The following COL8A2 variants were observed in gnomAD, a reference collection of about 807,000 sequenced individuals.
COL8A2 encodes collagen alpha-2(VIII) chain.
Under a neutral mutation model 24.0 loss-of-function variants are expected in COL8A2, and 16 were observed. The ratio of observed to expected loss-of-function variants is 0.67; its 90% confidence interval spans 0.45 to 1.01. The LOEUF (loss-of-function observed/expected upper bound fraction) is 1.01. COL8A2 is among the 50% of genes least tolerant of loss of function. The probability of loss-of-function intolerance (pLI) is 0.00; values close to 1 mark genes in which losing one functional copy is unlikely to be tolerated. For synonymous variants in COL8A2, 466 were observed against 424.5 expected (o/e 1.10, Z -1.20); for missense variants, 818 against 942.4 (o/e 0.87, Z 1.73).
chr1:36,104,005 C>G (rs1292001545), intron 2 of COL8A2, among the ~76,000 whole-genome samples: 36 of 151,794 alleles, frequency 2.4e-4, no homozygotes, highest in Admixed American at 2.4e-3. Context: ...ACCAGCCTGG[C>G]CAACATGGTG....
At chr1:36,109,309 A>G (rs919824788) in intron 2 of COL8A2, among the ~76,000 whole-genome samples, 1 of 151,830 alleles carries the variant, frequency 6.6e-6, no homozygotes, top group African/African-American at 2.4e-5. Flanking sequence ...CTGGGTCTCT[A>G]CTCCTGACTC....
chr1:36,104,914 C>G, intron 2 of COL8A2, among the ~76,000 whole-genome samples: 1 of 152,236 alleles, frequency 6.6e-6, no homozygotes. Context: ...TCCCATTATT[C>G]GAAGGAGGTT....
Position 36,099,195 on chromosome 1 carries a change from G to T in COL8A2, c.486C>A (p.Gly162=), listed in dbSNP as rs753145216. 6.6e-7 allele frequency: 1 copy of T among 1,519,152 alleles called. No homozygotes were observed. The highest frequency in any genetic ancestry group is 8.8e-7 in the Non-Finnish European group (1 of 1,131,824). The allele number at this position is 1,519,152 out of a possible 1,614,324, so 94.1% of individuals were successfully genotyped here. The part of the protein sequence containing the change: ...QGLRGPPGPP[G]LPGPSGITIP... ...TAGTAATGCCTGAGGGGCCCGGGAG[G>T]CCAGGGGGTCCTGGGGGTCCCCGGA... The change falls in exon 4 of 4, where the codon GGC becomes GGA. Residue 162 remains glycine, a synonymous_variant. Transcript: ENST00000397799.
Position 36,098,522 on chromosome 1 carries a change from G to T in COL8A2, c.1159C>A (p.Pro387Thr). ...PKGEAGPGGP[P>T]GVPGIRGDQG... ...TCACCTCGAATGCCAGGCACTCCTG[G>T]GGGTCCTCCAGGCCCTGCCTCACCC... is the stretch of plus-strand genomic sequence containing the variant. Residue 387 changes from proline to threonine, a missense_variant, in exon 4 of 4, where the codon CCA becomes ACA. Physicochemically the swap from Pro to Thr is conservative, Grantham distance 38. This residue lies in a region of COL8A2 where 573 missense variants were observed against 616.8 expected (regional missense o/e 0.93). Transcript: ENST00000397799. 1 of 1,594,252 alleles carries T rather than the reference G, an allele frequency of 6.3e-7. No individual in the cohort carries two copies. Among genetic ancestry groups the T allele is most frequent in the East Asian group, 2.3e-5 (1 of 43,532 alleles).
chr1:36,100,455 TC>T (rs1172876834), intron 2 of COL8A2, among the ~76,000 whole-genome samples, 197 bp from the exon 3 acceptor site: 2 of 152,070 alleles, frequency 1.3e-5, no homozygotes, highest in Non-Finnish European at 2.9e-5. Flanking sequence ...CTCCTAAACT[TC>T]TTCAGACCCT....
At chr1:36,118,816 A>G (rs1171504853) in intron 1 of COL8A2, among the ~76,000 whole-genome samples, 1 of 152,212 alleles carries the variant, frequency 6.6e-6, no homozygotes, top group African/African-American at 2.4e-5. Flanking sequence ...CTCCTGCCAG[A>G]GATGGGGCTC....
At position 36,100,078 on chromosome 1, in the gene COL8A2, G is replaced by A. The variant is rs144972483; in HGVS notation, c.165C>T (p.Pro55=). ...GGTACTGGCCTTTGCCCTCACGGAA[G>A]GGCGGTCCCACAGGTCCTTTCTGCA... is the stretch of plus-strand genomic sequence containing the variant. ...QPMQKGPVGP[P]FREGKGQYLE... is the part of the protein sequence containing the mutation. Residue 55 remains proline (P), a synonymous_variant, in exon 3 of 4, where the codon CCC becomes CCT. Coordinates refer to ENST00000397799, the MANE Select transcript of COL8A2 (RefSeq NM_005202.4). 11 of 1,611,798 alleles carry A rather than the reference G, an allele frequency of 6.8e-6. No individual in the cohort carries two copies. The highest frequency in any genetic ancestry group is 1.7e-5 in the Admixed American group (1 of 59,946).
chr1:36,099,180 T>C lies in COL8A2; in HGVS notation c.501A>G (p.Ser167=). ...PPGPPGLPGP[S]GITIPGKPGA... ...CTGGTTTTCCAGGGATAGTAATGCC[T>C]GAGGGGCCCGGGAGGCCAGGGGGTC... Residue 167 remains serine (S), a synonymous_variant, in exon 4 of 4, where the codon TCA becomes TCG. Coordinates refer to ENST00000397799, the MANE Select transcript of COL8A2 (RefSeq NM_005202.4). 1 of 1,506,358 alleles carries C rather than the reference T, an allele frequency of 6.6e-7. No homozygotes were observed. The allele number at this position is 1,506,358 out of a possible 1,614,324, so 93.3% of individuals were successfully genotyped here. A position where few individuals can be genotyped will look rare whatever the true frequency, so the allele number is the denominator to read the frequency against.
rs768504825 is a variant in COL8A2 at position 36,098,046 on chromosome 1, G to A, written c.1635C>T (p.His545=). Residue 545 remains histidine (H), a synonymous_variant, in exon 4 of 4, where the codon CAC becomes CAT. Coordinates refer to ENST00000397799, the MANE Select transcript of COL8A2 (RefSeq NM_005202.4). ...AFDETGIAGL[H]LPNGGVEGAV... is the part of the protein sequence containing the mutation. ...CACCCTCCACACCGCCGTTGGGCAG[G>A]TGCAAGCCTGCGATGCCAGTCTCAT... The A allele has an allele frequency of 1.4e-5, 22 of 1,588,072 alleles. No individual in the cohort carries two copies. Among genetic ancestry groups the A allele is most frequent in the Middle Eastern group, 1.7e-4 (1 of 5,792 alleles).
rs1380934217 is a variant in COL8A2, at chr1:36,120,133, C to G, written c.-61-4381G>C. ...TCTCATGCCTGCTATTCCTCTTTCC[C>G]CCTCCACAAAAAACCCCTTGTGCTA... On this transcript the variant is annotated intron_variant, in intron 1 of 3. Transcript: ENST00000397799. Among the ~76,000 whole-genome samples the G allele has an allele frequency of 6.6e-5, 10 of 152,150 alleles. No homozygotes were observed. In the East Asian group the frequency reaches 1.9e-3, roughly 29 times the overall value.
intron 1 of COL8A2, among the ~76,000 whole-genome samples, chr1:36,120,917 T>C (rs1450648544): frequency 2.0e-5 from 3 of 150,358 alleles, no homozygotes; most frequent in Admixed American, 6.6e-5. Context: ...GGTGAAACCT[T>C]GTCTCTACTA....
intron 2 of COL8A2, among the ~76,000 whole-genome samples, chr1:36,110,782 G>A (rs924171435): frequency 1.1e-4 from 17 of 152,292 alleles, no homozygotes; most frequent in South Asian, 8.3e-4. Flanking sequence ...ATGAGCAACC[G>A]TGCCTGGCCT....
Position 36,097,576 on chromosome 1 carries a change from G to T in COL8A2, c.2105C>A (p.Pro702His). 1.2e-6 allele frequency: 2 copies of T among 1,607,002 alleles called. No individual in the cohort carries two copies. The highest frequency in any genetic ancestry group is 2.2e-5 in the South Asian group (2 of 90,888). Reference protein sequence around the residue: ...HSSFSGFLLCPT With the variant: ...HSSFSGFLLCHT Reference sequence around the variant, plus strand: ...CAGGACCCCCCCCGCGGGTTATGTGGGGCAGAGCAAGAATCCTGAAAAGGA... The same window carrying T: ...CAGGACCCCCCCCGCGGGTTATGTGTGGCAGAGCAAGAATCCTGAAAAGGA... The change falls in exon 4 of 4, where the codon CCC (proline) becomes CAC (histidine). Residue 702 changes from proline to histidine, a missense_variant. Pro to His is a moderately conservative substitution (Grantham distance 77, BLOSUM62 -2). This residue lies in a region of COL8A2 where 235 missense variants were observed against 297.3 expected (regional missense o/e 0.79). Transcript: ENST00000397799.
intron 2 of COL8A2, among the ~76,000 whole-genome samples, chr1:36,109,138 G>A (rs1643802725): frequency 6.6e-6 from 1 of 152,210 alleles, no homozygotes; most frequent in Non-Finnish European, 1.5e-5. Context: ...CTGAGGGAGC[G>A]GTGGGGGCAC....
At position 36,100,019 on chromosome 1, in the gene COL8A2, T is replaced by C. The variant is rs200835865; in HGVS notation, c.193+31A>G. On this transcript the variant is annotated intron_variant, in intron 3 of 3. Transcript: ENST00000397799. ...AGGGGATTTGGGGGCTGGGAGCGAT[T>C]TGAGGCACTGTGGGGTGAGGAGGCT... 1.2e-5 allele frequency: 19 copies of C among 1,601,188 alleles called. No homozygotes were observed. The African/African-American group carries it at 2.3e-4, about 19-fold the overall frequency.
intron 2 of COL8A2, among the ~76,000 whole-genome samples, chr1:36,108,446 CGGCAG>C (rs1166745986): frequency 2.6e-5 from 4 of 152,202 alleles, no homozygotes; most frequent in Non-Finnish European, 4.4e-5. Flanking sequence ...GGTAGAAAGA[CGGCAG>C]GGCTGGCAGG....
chr1:36,097,704 T>G lies in COL8A2; in HGVS notation c.1977A>C (p.Ala659=). 8 of 1,573,010 alleles carry G rather than the reference T, an allele frequency of 5.1e-6. No individual in the cohort carries two copies. Among genetic ancestry groups the G allele is most frequent in the Non-Finnish European group, 6.9e-6 (8 of 1,156,274 alleles). ...GCAGCTGGAGCACGGCCCCACCAGATGCCTGGTCCAGGTAGCCCTTCTTGT... is the reference window on the plus strand; with the variant it reads ...GCAGCTGGAGCACGGCCCCACCAGAGGCCTGGTCCAGGTAGCCCTTCTTGT... The part of the protein sequence containing the change: ...DEYKKGYLDQ[A]SGGAVLQLRP... Residue 659 remains alanine (A), a synonymous_variant, in exon 4 of 4, where the codon GCA becomes GCC. Coordinates refer to ENST00000397799, the MANE Select transcript of COL8A2 (RefSeq NM_005202.4).
intron 3 of COL8A2, 94 bp from the exon 4 acceptor site, chr1:36,099,581 G>A (rs543111430): frequency 4.2e-5 from 40 of 945,204 alleles, no homozygotes; most frequent in Middle Eastern, 2.8e-4. Flanking sequence ...TGAGGTACAC[G>A]GGAGAGGAAG....
intron 2 of COL8A2, among the ~76,000 whole-genome samples, chr1:36,111,575 T>C (rs1397288058): frequency 6.6e-6 from 1 of 151,262 alleles, no homozygotes; most frequent in Admixed American, 6.6e-5. Flanking sequence ...TTTGAGACAG[T>C]CTGCTCTGTC....
Sources: gnomAD v4.1 joint callset for allele counts (sites outside exome capture counted in the v4.1 genomes callset) on GRCh38, gnomAD v4.1.1 for gene constraint, gnomAD v4.1.1 regional missense constraint, MANE v1.5 for transcripts, NCBI Gene and HGNC (gene_info 2026-07-23, HGNC 2026-07-21) for gene names.